The following DLGAP1 variants were observed in gnomAD, a reference collection of about 807,000 sequenced individuals.
DLGAP1 encodes the protein DLG associated protein 1.
DLGAP1 carries 11 observed loss-of-function variants against 90.8 expected under a neutral mutation model. That is an observed-to-expected ratio of 0.12 (90% CI 0.08 to 0.20). DLGAP1 has a LOEUF of 0.20. Ranked by LOEUF, DLGAP1 falls within the 10% of genes least tolerant of loss-of-function variation. The pLI is 1.00. For missense variants in DLGAP1, 1,050 were observed against 1,333.8 expected (o/e 0.79, Z 3.31); for synonymous variants, 558 against 540.7 (o/e 1.03, Z -0.44).
intron 1 of DLGAP1, among the ~76,000 whole-genome samples, chr18:4,229,678 G>A (rs2078261122): frequency 6.6e-6 from 1 of 151,956 alleles, no homozygotes; most frequent in African/African-American, 2.4e-5. Flanking sequence ...AAGCAAAATG[G>A]ACTAAATACT....
At chr18:4,384,444 A>G (rs1339757827) in intron 1 of DLGAP1, among the ~76,000 whole-genome samples, 1 of 152,162 alleles carries the variant, frequency 6.6e-6, no homozygotes, top group African/African-American at 2.4e-5. Flanking sequence ...TGATGACAGA[A>G]TGTAATAGCA....
chr18:4,073,516 G>A (rs901967308), intron 2 of DLGAP1, among the ~76,000 whole-genome samples: 9 of 152,138 alleles, frequency 5.9e-5, no homozygotes, highest in African/African-American at 9.7e-5. Flanking sequence ...CAGTGCTATC[G>A]GAGGATAATG....
At chr18:4,040,738 T>C (rs765712187) in intron 2 of DLGAP1, among the ~76,000 whole-genome samples, 10 of 152,198 alleles carry the variant, frequency 6.6e-5, no homozygotes, top group Non-Finnish European at 1.3e-4. Context: ...GAAGCTGACA[T>C]GTGAACGTGA....
rs374397645 is a variant in DLGAP1, at chr18:4,090,470, G to A, written c.-159+60710C>T. Among the ~76,000 whole-genome samples, 833 of 152,320 alleles carry A rather than the reference G, an allele frequency of 5.5e-3. 6 individuals are homozygous for A. Among genetic ancestry groups the A allele is most frequent in the South Asian group, 0.027 (131 of 4,826 alleles). ...ACACTTCTTCAAAGAAGACATTTACGTAGCTAACAAACATATGAAAAGAAG... is the reference window on the plus strand; with the variant it reads ...ACACTTCTTCAAAGAAGACATTTACATAGCTAACAAACATATGAAAAGAAG... On this transcript the variant is annotated intron_variant, in intron 2 of 12. Transcript: ENST00000315677.
intron 2 of DLGAP1, among the ~76,000 whole-genome samples, chr18:4,099,074 C>G (rs1046808689): frequency 6.6e-6 from 1 of 152,198 alleles, no homozygotes; most frequent in Admixed American, 6.5e-5. Flanking sequence ...CTCCCAGGCT[C>G]AACTGATTCT....
At chr18:3,921,310 G>GA (rs913628677) in intron 3 of DLGAP1, among the ~76,000 whole-genome samples, 2 of 151,956 alleles carry the variant, frequency 1.3e-5, no homozygotes, top group South Asian at 2.1e-4. Flanking sequence ...ATTTATTTGA[G>GA]AAAAAAAATA....
chr18:3,583,419 C>A (rs1459719034), intron 7 of DLGAP1, among the ~76,000 whole-genome samples: 1 of 151,776 alleles, frequency 6.6e-6, no homozygotes, highest in Non-Finnish European at 1.5e-5. Flanking sequence ...TCACTTCCAC[C>A]TTGCCTATCT....
chr18:4,359,072 A>T (rs1042713527), intron 1 of DLGAP1, among the ~76,000 whole-genome samples: 2 of 152,210 alleles, frequency 1.3e-5, no homozygotes, highest in East Asian at 3.9e-4. Context: ...AAATACAGTG[A>T]TCTAATTTAT....
At chr18:4,308,900 A>C (rs1236437351) in intron 1 of DLGAP1, among the ~76,000 whole-genome samples, 1 of 152,254 alleles carries the variant, frequency 6.6e-6, no homozygotes, top group African/African-American at 2.4e-5. Context: ...GTGAAATCCA[A>C]GCCCTTTAAA....
chr18:4,450,912 C>T (rs1389490575), intron 1 of DLGAP1, among the ~76,000 whole-genome samples: 1 of 152,142 alleles, frequency 6.6e-6, no homozygotes, highest in East Asian at 1.9e-4. Context: ...CAATCACATC[C>T]CAGCTATGCT....
chr18:3,890,575 C>A (rs2071433889), intron 3 of DLGAP1, among the ~76,000 whole-genome samples: 1 of 152,164 alleles, frequency 6.6e-6, no homozygotes, highest in Non-Finnish European at 1.5e-5. Flanking sequence ...CATTTTGGAA[C>A]TGGTTTTTAT....
chr18:3,735,687 A>G (rs1027286424), intron 6 of DLGAP1, among the ~76,000 whole-genome samples: 15 of 151,608 alleles, frequency 9.9e-5, no homozygotes, highest in African/African-American at 3.6e-4. Flanking sequence ...CTTACAGGAC[A>G]GATGTGAAAT....
At chr18:3,779,798 T>A (rs2148112162) in intron 5 of DLGAP1, among the ~76,000 whole-genome samples, 1 of 151,900 alleles carries the variant, frequency 6.6e-6, no homozygotes, top group Admixed American at 6.6e-5. Context: ...TCTTTTCTTT[T>A]TTTTTTTGAG....
rs987440212 is a variant in DLGAP1 at position 3,499,444 on chromosome 18, T to C, written c.2725-50A>G. ...CATTACACAGCTTCTCAGGACAAGC[T>C]TGGGAAAAACTGGGATAGGTCAGTA... is the stretch of plus-strand genomic sequence containing the variant. On this transcript the variant is annotated intron_variant, in intron 12 of 12. Transcript: ENST00000315677. The surrounding 1 kb of genome is among the most constrained non-coding windows in gnomAD (Gnocchi z 6.4). The C allele has an allele frequency of 1.3e-6, 2 of 1,542,164 alleles. No homozygotes were observed. Among genetic ancestry groups the C allele is most frequent in the Non-Finnish European group, 8.8e-7 (1 of 1,142,812 alleles).
At chr18:3,608,516 T>G (rs915892981) in intron 7 of DLGAP1, among the ~76,000 whole-genome samples, 1 of 152,212 alleles carries the variant, frequency 6.6e-6, no homozygotes, top group East Asian at 1.9e-4. Flanking sequence ...ATTGATTTGA[T>G]TGGCTTGGCA....
At chr18:4,018,326 T>C (rs2074555501) in intron 2 of DLGAP1, among the ~76,000 whole-genome samples, 1 of 152,330 alleles carries the variant, frequency 6.6e-6, no homozygotes, top group Middle Eastern at 3.4e-3. Flanking sequence ...GCAGTGGGGA[T>C]GAGTCTTTGT....
chr18:4,160,480 TA>T (rs61610234), intron 1 of DLGAP1, among the ~76,000 whole-genome samples: 11,659 of 152,196 alleles, frequency 0.077, 1,484 homozygotes, highest in African/African-American at 0.26. Context: ...GACTCTTTTG[TA>T]AAGCATATTA....
At chr18:3,678,179 C>G (rs992092214) in intron 7 of DLGAP1, among the ~76,000 whole-genome samples, 2 of 151,978 alleles carry the variant, frequency 1.3e-5, no homozygotes, top group African/African-American at 4.8e-5. Context: ...CCAGGCTGGT[C>G]TTGAACTCCT....
intron 2 of DLGAP1, among the ~76,000 whole-genome samples, chr18:4,014,326 G>A (rs2074484101): frequency 6.6e-6 from 1 of 152,024 alleles, no homozygotes; most frequent in South Asian, 2.1e-4. Flanking sequence ...CTTGTGATCT[G>A]CCCGCCTCGG....
Sources: allele counts gnomAD v4.1 joint callset (sites outside exome capture counted in the v4.1 genomes callset), GRCh38; gene constraint gnomAD v4.1.1; non-coding constraint Gnocchi (gnomAD v3.1); transcripts MANE v1.5; gene names NCBI Gene and HGNC (gene_info 2026-07-23, HGNC 2026-07-21).